The following GABPA variants were observed in gnomAD, a reference collection of about 807,000 sequenced individuals.
GABPA encodes the protein GA binding protein transcription factor subunit alpha, also known as GA-binding protein alpha chain.
In GABPA, 4 loss-of-function variants were observed where a neutral mutation model predicts 59.4. The observed-to-expected ratio is 0.07, with a 90% CI of 0.03 to 0.15. GABPA has a LOEUF of 0.15. Ranked by LOEUF, GABPA falls within the 10% of genes least tolerant of loss-of-function variation. GABPA has a pLI of 1.00. For missense variants in GABPA, 251 were observed against 543.8 expected (o/e 0.46, Z 5.36); for synonymous variants, 164 against 183.1 (o/e 0.90, Z 0.84).
At chr21:25,737,147 C>T (rs1238247715) in intron 1 of GABPA, among the ~76,000 whole-genome samples, 1 of 152,198 alleles carries the variant, frequency 6.6e-6, no homozygotes, top group Non-Finnish European at 1.5e-5. Flanking sequence ...GTGAAACATT[C>T]CGAACCCCAG....
chr21:25,761,858 T>C (rs1164576143), intron 6 of GABPA, among the ~76,000 whole-genome samples: 1 of 152,178 alleles, frequency 6.6e-6, no homozygotes, highest in Non-Finnish European at 1.5e-5. Context: ...GTAGAAGCAT[T>C]ATAAAGCTTA....
intron 4 of GABPA, among the ~76,000 whole-genome samples, chr21:25,749,573 T>C (rs2035455515): frequency 6.6e-6 from 1 of 152,248 alleles, no homozygotes; most frequent in African/African-American, 2.4e-5. Flanking sequence ...GGCTCACGCC[T>C]GTAATCCTAC....
intron 4 of GABPA, among the ~76,000 whole-genome samples, 191 bp from the exon 5 acceptor site, chr21:25,751,798 G>A (rs917552031): frequency 4.6e-5 from 7 of 152,058 alleles, no homozygotes; most frequent in Admixed American, 2.6e-4. Context: ...TAAACTTGTA[G>A]AAAAGTTGCA....
intron 2 of GABPA, among the ~76,000 whole-genome samples, chr21:25,743,420 C>T (rs2035275937): frequency 2.6e-5 from 4 of 152,090 alleles, no homozygotes. Flanking sequence ...ACAGATGGTC[C>T]ACAAAGTCTA....
Position 25,745,258 on chromosome 21 carries a change from A to G in GABPA, c.126A>G (p.Ile42Met). 1 of 1,614,048 alleles carries G rather than the reference A, an allele frequency of 6.2e-7. No individual in the cohort carries two copies. ...CAGCTGAATGTGTAAGCCAGGCCAT[A>G]GACATCAATGAACCAATAGGCAATT... Reference protein sequence around the residue: ...YAPAECVSQAIDINEPIGNLK... With the variant: ...YAPAECVSQAMDINEPIGNLK... Residue 42 changes from isoleucine to methionine, a missense_variant, in exon 3 of 10, where the codon ATA becomes ATG. By Grantham distance (10) the Ile-to-Met change is conservative. This residue lies in a region of GABPA where 207 missense variants were observed against 366.7 expected (regional missense o/e 0.56). Transcript: ENST00000400075.
Position 25,735,056 on chromosome 21 carries a change from A to C in GABPA, c.-549A>C. The C allele has an allele frequency of 8.0e-7, 1 of 1,256,270 alleles. No homozygotes were observed. The highest frequency in any genetic ancestry group is 1.8e-4 in the Middle Eastern group (1 of 5,466). The allele number at this position is 1,256,270 out of a possible 1,614,324, so 77.8% of individuals were successfully genotyped here. On this transcript the variant is annotated 5_prime_UTR_variant, in exon 1 of 10. Coordinates refer to ENST00000400075, the MANE Select transcript of GABPA (RefSeq NM_002040.4). Reference sequence around the variant, plus strand: ...CTAGGTGAGACAGAAGCCAAACAGGAGGAGGAAGTGGAGGGTAAGTGCTTC... The same window carrying C: ...CTAGGTGAGACAGAAGCCAAACAGGCGGAGGAAGTGGAGGGTAAGTGCTTC...
intron 1 of GABPA, among the ~76,000 whole-genome samples, chr21:25,739,785 T>A (rs2035172993): frequency 6.6e-6 from 1 of 152,194 alleles, no homozygotes; most frequent in Admixed American, 6.5e-5. Context: ...TGGCTAATTT[T>A]AAAAATGTTT....
At chr21:25,752,396 T>G in intron 5 of GABPA, 162 bp downstream of exon 5, 1 of 801,478 alleles carries the variant, frequency 1.2e-6, no homozygotes, top group Non-Finnish European at 1.9e-6. Flanking sequence ...TAAGCTCATG[T>G]GGTGGACAAA....
chr21:25,765,052 T>C (rs2035857869), intron 9 of GABPA, among the ~76,000 whole-genome samples: 1 of 152,016 alleles, frequency 6.6e-6, no homozygotes, highest in South Asian at 2.1e-4. Context: ...TGTTTAATTT[T>C]TGAGGTTTTT....
intron 3 of GABPA, 149 bp from the exon 4 acceptor site, chr21:25,748,887 T>A (rs2035436113): frequency 1.6e-6 from 1 of 618,042 alleles, no homozygotes; most frequent in Admixed American, 3.4e-5. Context: ...GAATTAAATA[T>A]GACAAGCTAA....
chr21:25,762,480 C>A, intron 7 of GABPA, 115 bp downstream of exon 7: 3 of 656,496 alleles, frequency 4.6e-6, no homozygotes, highest in Non-Finnish European at 7.8e-6. Flanking sequence ...CACAAAATAT[C>A]TTTTGTTCTG....
In GABPA at chr21:25,758,167, A is replaced by G; in HGVS notation, c.711A>G (p.Gly237=). 3 of 1,608,114 alleles carry G rather than the reference A, an allele frequency of 1.9e-6. No individual in the cohort carries two copies. In the South Asian group the frequency reaches 3.3e-5, roughly 18 times the overall value. The change falls in exon 6 of 10, where the codon GGA becomes GGG. Residue 237 remains glycine (G), a synonymous_variant. Coordinates refer to ENST00000400075, the MANE Select transcript of GABPA (RefSeq NM_002040.4). The part of the protein sequence containing the change: ...QEDFFQRVPR[G]EILWSHLELL... ...ATTTTTTTCAGCGGGTTCCTCGGGG[A>G]GAAATTCTCTGGAGTCATCTGGAAC...
intron 3 of GABPA, among the ~76,000 whole-genome samples, chr21:25,746,375 G>A (rs1047799080): frequency 6.6e-6 from 1 of 152,034 alleles, no homozygotes; most frequent in Non-Finnish European, 1.5e-5. Flanking sequence ...CTTCTGGATC[G>A]TTTGATTTAT....
intron 6 of GABPA, among the ~76,000 whole-genome samples, chr21:25,758,872 C>G (rs1197798279): frequency 1.3e-5 from 2 of 152,050 alleles, no homozygotes; most frequent in African/African-American, 4.8e-5. Context: ...AAGTTCGAGA[C>G]CAGCCTGGCC....
At chr21:25,739,107 T>C (rs2035153901) in intron 1 of GABPA, among the ~76,000 whole-genome samples, 3 of 152,208 alleles carry the variant, frequency 2.0e-5, no homozygotes, top group South Asian at 4.1e-4. Context: ...TGGAGAACCT[T>C]ACCCTTTTAT....
chr21:25,739,270 T>C (rs1213625170), intron 1 of GABPA, among the ~76,000 whole-genome samples: 2 of 152,368 alleles, frequency 1.3e-5, no homozygotes, highest in East Asian at 1.9e-4. Flanking sequence ...AGGAGAGTTA[T>C]AGCCCTTTCT....
chr21:25,745,350 T>C lies in GABPA; in HGVS notation c.218T>C (p.Ile73Thr), dbSNP rs1435617759. 4 of 1,610,078 alleles carry C rather than the reference T, an allele frequency of 2.5e-6. No homozygotes were observed. In the Admixed American group the frequency reaches 6.8e-5, roughly 27 times the overall value. ...LDAHEICLQD[I>T]QLDPERSLFD... The stretch of plus-strand genomic sequence containing the variant: ...GCTCATGAAATTTGTCTGCAAGATA[T>C]CCAGGTAATTTTTATTTTTGTAAAT... Residue 73 changes from isoleucine (I) to threonine (T), a missense_variant, in exon 3 of 10, where the codon ATC (isoleucine) becomes ACC (threonine). By Grantham distance (89) the Ile-to-Thr change is moderately conservative. This residue lies in a region of GABPA where 207 missense variants were observed against 366.7 expected (regional missense o/e 0.56). Transcript: ENST00000400075.
intron 9 of GABPA, among the ~76,000 whole-genome samples, chr21:25,768,439 AT>A (rs574131971): frequency 1.1e-3 from 172 of 152,016 alleles, no homozygotes; most frequent in African/African-American, 4.0e-3. Context: ...ATATGTATTA[AT>A]TTTTTTTATA....
intron 2 of GABPA, 107 bp from the exon 3 acceptor site, chr21:25,745,103 A>G: frequency 1.6e-6 from 2 of 1,256,778 alleles, no homozygotes; most frequent in Non-Finnish European, 2.3e-6. Flanking sequence ...ATGACTTTTC[A>G]AAGACCAGAA....
Sources: gnomAD v4.1 joint callset for allele counts (sites outside exome capture counted in the v4.1 genomes callset) on GRCh38, gnomAD v4.1.1 for gene constraint, gnomAD v4.1.1 regional missense constraint, MANE v1.5 for transcripts, NCBI Gene and HGNC (gene_info 2026-07-23, HGNC 2026-07-21) for gene names.